Variants in SORCS2 observed in about 807,000 individuals in gnomAD.
SORCS2 encodes VPS10 domain-containing receptor SorCS2.
SORCS2 carries 100 observed loss-of-function variants against 141.6 expected under a neutral mutation model. The observed-to-expected ratio is 0.71, with a 90% CI of 0.60 to 0.83. SORCS2 has a LOEUF of 0.83. Ranked by LOEUF, SORCS2 falls within the 40% of genes least tolerant of loss-of-function variation. SORCS2 has a pLI of 0.00. For missense variants in SORCS2, 1,646 were observed against 1,560.2 expected, an observed-to-expected ratio of 1.05 and a Z score of -0.93; for synonymous variants, 789 against 676.9, an observed-to-expected ratio of 1.17 and a Z score of -2.57.
At chr4:7,457,001 G>A (rs1420539947) in intron 2 of SORCS2, among the ~76,000 whole-genome samples, 5 of 152,140 alleles carry the variant, frequency 3.3e-5, no homozygotes, top group East Asian at 1.9e-4. Flanking sequence ...GGTGAAGGCC[G>A]AGCCTGACAC....
At chr4:7,629,809 C>A (rs1015022763) in intron 3 of SORCS2, among the ~76,000 whole-genome samples, 1 of 152,050 alleles carries the variant, frequency 6.6e-6, no homozygotes, top group Non-Finnish European at 1.5e-5. Context: ...GCAGCTCAAA[C>A]TGACCTCAGC....
intron 15 of SORCS2, 52 bp downstream of exon 15, chr4:7,712,905 C>G (rs943961528): frequency 1.9e-6 from 3 of 1,597,414 alleles, no homozygotes; most frequent in Non-Finnish European, 1.7e-6. Context: ...ACTGCAAACA[C>G]AGGCCCACTC....
chr4:7,588,913 T>G (rs544826627), intron 3 of SORCS2, among the ~76,000 whole-genome samples: 15 of 152,344 alleles, frequency 9.8e-5, no homozygotes, highest in African/African-American at 3.4e-4. Context: ...TCGGAACCGC[T>G]TCACAGAGGA....
At chr4:7,270,363 A>AG (rs1715038881) in intron 1 of SORCS2, among the ~76,000 whole-genome samples, 1 of 152,230 alleles carries the variant, frequency 6.6e-6, no homozygotes, top group Non-Finnish European at 1.5e-5. Context: ...TCACCCTTGC[A>AG]GGGGGAGCTG....
intron 2 of SORCS2, among the ~76,000 whole-genome samples, chr4:7,457,477 C>T (rs1222467340): frequency 6.6e-6 from 1 of 151,922 alleles, no homozygotes; most frequent in Non-Finnish European, 1.5e-5. Flanking sequence ...CCCCAGTGAA[C>T]ACTGCAAGCT....
intron 2 of SORCS2, among the ~76,000 whole-genome samples, chr4:7,504,389 G>T (rs1439216149): frequency 6.6e-6 from 1 of 152,236 alleles, no homozygotes; most frequent in Non-Finnish European, 1.5e-5. Flanking sequence ...AGTGGGGGAA[G>T]TGGAGAGACA....
intron 2 of SORCS2, among the ~76,000 whole-genome samples, chr4:7,428,241 T>C (rs1454878453): frequency 6.6e-6 from 1 of 152,206 alleles, no homozygotes; most frequent in East Asian, 1.9e-4. Context: ...CTGGAAGGTA[T>C]GGCCACAGCT....
At chr4:7,673,399 C>T (rs1722906861) in intron 8 of SORCS2, among the ~76,000 whole-genome samples, 2 of 152,196 alleles carry the variant, frequency 1.3e-5, no homozygotes, top group African/African-American at 4.8e-5. Flanking sequence ...GTTGAGAACG[C>T]TGACGGTTTC....
At chr4:7,282,889 G>A (rs539541969) in intron 1 of SORCS2, among the ~76,000 whole-genome samples, 16 of 152,262 alleles carry the variant, frequency 1.1e-4, no homozygotes, top group Non-Finnish European at 2.2e-4. Context: ...GCTGGGAAGT[G>A]GGGGGTTCAG....
At position 7,563,584 on chromosome 4, in the gene SORCS2, C is replaced by A. The variant is rs1298055375; in HGVS notation, c.648+31955C>A. On this transcript the variant is annotated intron_variant, in intron 3 of 26. Transcript: ENST00000507866. ...AGAACTCTGGGGTTTGGAGGGGAATCTGACCCAGCTCCCTTTCTGGGAGCA... is the reference window on the plus strand; with the variant it reads ...AGAACTCTGGGGTTTGGAGGGGAATATGACCCAGCTCCCTTTCTGGGAGCA... 2.0e-5 allele frequency among the ~76,000 whole-genome samples: 3 copies of A among 152,188 alleles called. No individual in the cohort carries two copies. In the East Asian group the frequency reaches 5.8e-4, roughly 29 times the overall value.
chr4:7,673,597 A>G (rs16840778), intron 8 of SORCS2, among the ~76,000 whole-genome samples: 15,120 of 152,268 alleles, frequency 0.099, 935 homozygotes, highest in East Asian at 0.31. Context: ...GCCCAAACGT[A>G]AACATTTGAA....
At chr4:7,467,312 G>A (rs1422525312) in intron 2 of SORCS2, among the ~76,000 whole-genome samples, 1 of 152,180 alleles carries the variant, frequency 6.6e-6, no homozygotes, top group Non-Finnish European at 1.5e-5. Context: ...GAGAGTGGAA[G>A]GGTCCCTAGG....
In SORCS2 at chr4:7,295,880, A is replaced by T. The variant is rs181185253; in HGVS notation, c.481-100408A>T. On this transcript the variant is annotated intron_variant, in intron 1 of 26. Transcript: ENST00000507866. ...CAGCATGCCCAGCACACAGTAGGTG[A>T]TCAGTGTGGAGAACGCCAGGACGGC... Among the ~76,000 whole-genome samples the T allele has an allele frequency of 5.3e-5, 8 of 152,326 alleles. No individual in the cohort carries two copies. In the East Asian group the frequency reaches 1.5e-3, roughly 29 times the overall value.
intron 1 of SORCS2, among the ~76,000 whole-genome samples, chr4:7,394,546 GGTGAGGAAC>G (rs2109108645): frequency 1.4e-5 from 2 of 145,824 alleles, no homozygotes; most frequent in African/African-American, 4.9e-5. Context: ...AGCATCCCAG[GGTGAGGAAC>G]GCCTTGTGCA....
intron 3 of SORCS2, among the ~76,000 whole-genome samples, chr4:7,607,010 C>A (rs1718102377): frequency 6.6e-6 from 1 of 152,208 alleles, no homozygotes; most frequent in Admixed American, 6.5e-5. Context: ...GAAGCTTTTT[C>A]TCTGAAGCGA....
At chr4:7,607,456 GC>G (rs1718132447) in intron 3 of SORCS2, among the ~76,000 whole-genome samples, 2 of 152,140 alleles carry the variant, frequency 1.3e-5, no homozygotes, top group South Asian at 4.2e-4. Flanking sequence ...CCCTCCATAA[GC>G]CCCCTTTGAC....
Position 7,333,965 on chromosome 4 carries a change from G to A in SORCS2, c.481-62323G>A, listed in dbSNP as rs1200779417. Among the ~76,000 whole-genome samples the A allele has an allele frequency of 2.0e-5, 3 of 152,236 alleles. No homozygotes were observed. In the East Asian group the frequency reaches 5.8e-4, roughly 30 times the overall value. On this transcript the variant is annotated intron_variant, in intron 1 of 26. Transcript: ENST00000507866. ...CTCCCATCTCTGCCCCTTGGGCCTA[G>A]CCTCCATACTCAGCTGGGGACAGCG...
At chr4:7,241,568 T>C (rs543656588) in intron 1 of SORCS2, among the ~76,000 whole-genome samples, 2 of 152,130 alleles carry the variant, frequency 1.3e-5, no homozygotes, top group Non-Finnish European at 2.9e-5. Context: ...TGGCGTCAGA[T>C]GATGCCCCTC....
chr4:7,607,509 C>G (rs1718136113), intron 3 of SORCS2, among the ~76,000 whole-genome samples: 1 of 152,160 alleles, frequency 6.6e-6, no homozygotes, highest in Non-Finnish European at 1.5e-5. Flanking sequence ...TCTTGGGCAC[C>G]TGGTGTTACA....
Sources: allele counts gnomAD v4.1 joint callset (sites outside exome capture counted in the v4.1 genomes callset), GRCh38; gene constraint gnomAD v4.1.1; transcripts MANE v1.5; gene names NCBI Gene and HGNC (gene_info 2026-07-23, HGNC 2026-07-21).